The following KLRG1 variants were observed in gnomAD, a reference collection of about 807,000 sequenced individuals.
KLRG1 encodes killer cell lectin like receptor G1, also known as killer cell lectin-like receptor subfamily G member 1.
A neutral mutation model predicts 21.8 loss-of-function variants in KLRG1; 16 were observed. The ratio of observed to expected loss-of-function variants is 0.73; its 90% CI spans 0.50 to 1.11. The LOEUF (loss-of-function observed/expected upper bound fraction) is 1.11, where lower values mean the gene tolerates loss of function less well. KLRG1 is among the 50% of genes most tolerant of loss of function. The probability of loss-of-function intolerance (pLI) is 0.00; values close to 1 mark genes in which losing one functional copy is unlikely to be tolerated. For missense variants in KLRG1, 173 were observed against 218.3 expected (o/e 0.79, Z 1.31); for synonymous variants, 69 against 75.9 (o/e 0.91, Z 0.47).
intron 3 of KLRG1, among the ~76,000 whole-genome samples, chr12:8,998,863 G>A (rs1327593390): frequency 6.6e-6 from 1 of 152,030 alleles, no homozygotes; most frequent in Non-Finnish European, 1.5e-5. Flanking sequence ...TTGACATACA[G>A]AATGTACATT....
rs763196054 is a variant in KLRG1 at position 8,995,005 on chromosome 12, G to A, written c.188-114G>A. Reference sequence around the variant, plus strand: ...TACACATTTCTCTAACCCTTAATCTGAAAAGTGGTGGAGCAGGGAAGACCC... The same window carrying A: ...TACACATTTCTCTAACCCTTAATCTAAAAAGTGGTGGAGCAGGGAAGACCC... On this transcript the variant is annotated intron_variant, in intron 2 of 4. Transcript: ENST00000356986. 5 of 872,636 alleles carry A rather than the reference G, an allele frequency of 5.7e-6. No homozygotes were observed. In the Admixed American group the frequency reaches 1.5e-4, roughly 26 times the overall value. 54.1% of individuals were successfully genotyped at this position (872,636 alleles called of 1,614,324 possible). A position where few individuals can be genotyped will look rare whatever the true frequency, so the allele number is the denominator to read the frequency against.
At chr12:9,068,638 A>G in the KLRG1 span, 1 of 929,964 alleles carries the variant, frequency 1.1e-6, no homozygotes. Flanking sequence ...TGAAGTGATA[A>G]TGTAATTACT....
intron 1 of KLRG1, among the ~76,000 whole-genome samples, chr12:8,968,540 C>A (rs1027201578): frequency 6.6e-6 from 1 of 152,128 alleles, no homozygotes; most frequent in African/African-American, 2.4e-5. Context: ...GGTTTTAACA[C>A]CCCCACCCCA....
chr12:9,177,448 A>G, the KLRG1 span, among the ~76,000 whole-genome samples: 1 of 152,222 alleles, frequency 6.6e-6, no homozygotes, highest in African/African-American at 2.4e-5. Flanking sequence ...GTCACAAGCT[A>G]GACCCACCTA....
At chr12:9,093,413 AAT>A in the KLRG1 span, 1 of 1,268,514 alleles carries the variant, frequency 7.9e-7, no homozygotes. Flanking sequence ...AAGAGTTGAA[AAT>A]AGTCAGGGAC....
At chr12:9,124,977 C>G in the KLRG1 span, among the ~76,000 whole-genome samples, 1 of 152,368 alleles carries the variant, frequency 6.6e-6, no homozygotes, top group East Asian at 1.9e-4. Context: ...GCCTCGGGCT[C>G]AGGCAGAGCA....
the KLRG1 span, among the ~76,000 whole-genome samples, chr12:9,040,375 T>G: frequency 6.5e-4 from 99 of 152,338 alleles, 1 homozygote; most frequent in Non-Finnish European, 5.0e-4. Context: ...AAATCTTTCC[T>G]TAGTATTCTG....
the KLRG1 span, chr12:9,079,123 G>C: frequency 2.8e-6 from 2 of 715,750 alleles, no homozygotes; most frequent in Non-Finnish European, 4.6e-6. Flanking sequence ...GATTTATCTA[G>C]TATAACAAAC....
the KLRG1 span, among the ~76,000 whole-genome samples, chr12:9,155,265 G>T: frequency 1.3e-5 from 2 of 152,102 alleles, no homozygotes; most frequent in Non-Finnish European, 2.9e-5. Context: ...AAATGTTATT[G>T]CATTTTCTGT....
At chr12:9,195,311 T>G in the KLRG1 span, among the ~76,000 whole-genome samples, 1 of 152,150 alleles carries the variant, frequency 6.6e-6, no homozygotes, top group African/African-American at 2.4e-5. Flanking sequence ...GTTACTAACG[T>G]TATTATTATC....
the KLRG1 span, among the ~76,000 whole-genome samples, chr12:9,039,813 C>T: frequency 4.6e-5 from 7 of 152,200 alleles, no homozygotes; most frequent in African/African-American, 9.7e-5. Context: ...AATACTCAGA[C>T]ACAAATAGTT....
At chr12:9,119,281 A>G in the KLRG1 span, among the ~76,000 whole-genome samples, 69 of 152,366 alleles carry the variant, frequency 4.5e-4, no homozygotes, top group African/African-American at 1.6e-3. Flanking sequence ...ATGACTTAAA[A>G]TAGGAGGGAT....
At chr12:9,162,653 G>T in the KLRG1 span, 1 of 1,587,488 alleles carries the variant, frequency 6.3e-7, no homozygotes, top group Non-Finnish European at 8.6e-7. Context: ...TTCAGCCTTG[G>T]ATGAAAGGAA....
At chr12:9,188,608 TTA>T in the KLRG1 span, among the ~76,000 whole-genome samples, 2 of 152,158 alleles carry the variant, frequency 1.3e-5, no homozygotes, top group Non-Finnish European at 2.9e-5. Flanking sequence ...CGACATGATT[TTA>T]TATCTAGAAA....
the KLRG1 span, among the ~76,000 whole-genome samples, chr12:9,187,075 G>A: frequency 3.8e-5 from 2 of 53,270 alleles, no homozygotes; most frequent in African/African-American, 4.8e-5. Flanking sequence ...ACCAAGAAAG[G>A]TCAAAAAAAA....
chr12:9,142,132 T>C, the KLRG1 span, among the ~76,000 whole-genome samples: 1 of 152,206 alleles, frequency 6.6e-6, no homozygotes, highest in Non-Finnish European at 1.5e-5. Context: ...TATATGATTC[T>C]TTTTTGTATA....
At chr12:9,172,926 A>G in the KLRG1 span, among the ~76,000 whole-genome samples, 1 of 152,258 alleles carries the variant, frequency 6.6e-6, no homozygotes, top group Non-Finnish European at 1.5e-5. Flanking sequence ...ATTAAGACAG[A>G]AAATTAACAA....
At chr12:9,102,946 C>T in the KLRG1 span, among the ~76,000 whole-genome samples, 1 of 152,052 alleles carries the variant, frequency 6.6e-6, no homozygotes. Flanking sequence ...CAGGCGTTTT[C>T]CATTACCATG....
At chr12:9,207,889 A>C in the KLRG1 span, among the ~76,000 whole-genome samples, 8 of 152,268 alleles carry the variant, frequency 5.3e-5, no homozygotes, top group African/African-American at 1.9e-4. Flanking sequence ...AAGGAGCTAT[A>C]CTTTCTGTAT....
Sources: gnomAD v4.1 joint callset for allele counts (sites outside exome capture counted in the v4.1 genomes callset) on GRCh38, gnomAD v4.1.1 for gene constraint, MANE v1.5 for transcripts, NCBI Gene and HGNC (gene_info 2026-07-23, HGNC 2026-07-21) for gene names.